Variants in BTNL8 observed in about 807,000 individuals in gnomAD.
BTNL8 encodes the protein butyrophilin-like protein 8.
BTNL8 carries 22 observed loss-of-function variants against 36.1 expected under a neutral mutation model. The observed-to-expected ratio is 0.61, with a 90% confidence interval of 0.44 to 0.87. BTNL8 has a LOEUF of 0.87. BTNL8 is among the 40% of genes least tolerant of loss of function. The probability of loss-of-function intolerance (pLI) is 0.00; values close to 1 mark genes in which losing one functional copy is unlikely to be tolerated. For missense variants in BTNL8, 526 were observed against 616.9 expected (o/e 0.85, Z 1.56); for synonymous variants, 203 against 235.6 (o/e 0.86, Z 1.27).
In BTNL8 at chr5:180,947,528, T is replaced by G. The variant is rs778162308; in HGVS notation, c.690T>G (p.Pro230=). 1.2e-6 allele frequency: 2 copies of G among 1,613,836 alleles called. No homozygotes were observed. The highest frequency in any genetic ancestry group is 1.7e-6 in the Non-Finnish European group (2 of 1,179,682). The change falls in exon 4 of 8, where the codon CCT becomes CCG. Residue 230 remains proline (P), a synonymous_variant. Transcript: ENST00000340184. ...RVQIGDTFFE[P]ISWHLATKVL... is the part of the protein sequence containing the mutation. The stretch of plus-strand genomic sequence containing the variant: ...GTTTTTCAGATACCTTTTTCGAGCC[T>G]ATATCGTGGCACCTGGCTACCAAAG...
intron 1 of BTNL8, among the ~76,000 whole-genome samples, chr5:180,901,020 C>T (rs2113757590): frequency 6.6e-6 from 1 of 152,294 alleles, no homozygotes; most frequent in South Asian, 2.1e-4. Flanking sequence ...TGTCAGCAGG[C>T]AGGGAAATGC....
chr5:180,918,138 CCA>C (rs1320110975), intron 3 of BTNL8, among the ~76,000 whole-genome samples: 1 of 151,624 alleles, frequency 6.6e-6, no homozygotes, highest in East Asian at 1.9e-4. Context: ...TTTTATGAGG[CCA>C]CAGTTACCCT....
intron 3 of BTNL8, among the ~76,000 whole-genome samples, chr5:180,922,373 G>A (rs1757905589): frequency 6.6e-6 from 1 of 151,962 alleles, no homozygotes; most frequent in Admixed American, 6.6e-5. Context: ...TTGTGTCCCA[G>A]AGGTGCTGGT....
In BTNL8 at chr5:180,908,865, G is replaced by C. The variant is rs371673914; in HGVS notation, c.329G>C (p.Gly110Ala). 4 of 1,614,076 alleles carry C rather than the reference G, an allele frequency of 2.5e-6. No individual in the cohort carries two copies. In the African/African-American group the frequency reaches 4.0e-5, roughly 16 times the overall value. Residue 110 changes from glycine (G) to alanine (A), a missense_variant, in exon 2 of 8, where the codon GGC becomes GCC. Gly to Ala is a moderately conservative substitution (Grantham distance 60). This residue lies in a region of BTNL8 where 350 missense variants were observed against 324.6 expected (regional missense o/e 1.08). Transcript: ENST00000340184. ...GAAAACATTACTGTGTTGGATGCTG[G>C]CCTCTATGGGTGCAGGATTAGTTCC... ...RLENITVLDA[G>A]LYGCRISSQS... is the part of the protein sequence containing the mutation.
chr5:180,935,362 G>A lies in BTNL8; in HGVS notation c.674-12150G>A, dbSNP rs1211161022. ...CATGCTGAGTTGGACCTGCAGACCT[G>A]TGCAGAGCTGCCCTCAGCCATCGTC... On this transcript the variant is annotated intron_variant, in intron 3 of 7. Coordinates refer to ENST00000340184, the MANE Select transcript of BTNL8 (RefSeq NM_001040462.3). This position sits in a 1 kb window ranked among gnomAD's most constrained non-coding sequence, Gnocchi z 4.8. Among the ~76,000 whole-genome samples, 1 of 152,208 alleles carries A rather than the reference G, an allele frequency of 6.6e-6. No individual in the cohort carries two copies. Among genetic ancestry groups the A allele is most frequent in the Non-Finnish European group, 1.5e-5 (1 of 68,046 alleles).
chr5:180,908,642 G>C lies in BTNL8; in HGVS notation c.106G>C (p.Ala36Pro), dbSNP rs769402531. The part of the protein sequence containing the change: ...KPVQALVGED[A>P]AFSCFLSPKT... ...TGTCCAGGCCTTGGTGGGGGAGGAC[G>C]CAGCATTCTCCTGTTTCCTGTCTCC... The change falls in exon 2 of 8, where the codon GCA (alanine) becomes CCA (proline). Residue 36 changes from alanine (A) to proline (P), a missense_variant. Transcript: ENST00000340184. 1 of 1,614,072 alleles carries C rather than the reference G, an allele frequency of 6.2e-7. No individual in the cohort carries two copies. Among genetic ancestry groups the C allele is most frequent in the Non-Finnish European group, 8.5e-7 (1 of 1,180,042 alleles).
At chr5:180,937,333 G>A (rs1349087028) in intron 3 of BTNL8, among the ~76,000 whole-genome samples, 3 of 152,190 alleles carry the variant, frequency 2.0e-5, no homozygotes, top group Admixed American at 1.3e-4. Context: ...CTGCAAAGCT[G>A]TGCCATTGCC....
At chr5:180,941,039 C>T (rs532460236) in intron 3 of BTNL8, among the ~76,000 whole-genome samples, 8 of 147,244 alleles carry the variant, frequency 5.4e-5, no homozygotes, top group South Asian at 4.4e-4. Flanking sequence ...TGCAGTGAGC[C>T]GAGATTGAGA....
At chr5:180,921,924 AAATT>A (rs1423731418) in intron 3 of BTNL8, among the ~76,000 whole-genome samples, 1 of 152,074 alleles carries the variant, frequency 6.6e-6, no homozygotes, top group Non-Finnish European at 1.5e-5. Context: ...ACAGAAAAAT[AAATT>A]AACACCTTTA....
intron 3 of BTNL8, among the ~76,000 whole-genome samples, chr5:180,946,411 T>A (rs1759250285): frequency 6.6e-6 from 1 of 152,288 alleles, no homozygotes; most frequent in East Asian, 1.9e-4. Flanking sequence ...ATAAATACAA[T>A]GGAATACAAT....
At chr5:180,929,339 T>G (rs1336424148) in intron 3 of BTNL8, among the ~76,000 whole-genome samples, 2 of 152,178 alleles carry the variant, frequency 1.3e-5, no homozygotes, top group Non-Finnish European at 2.9e-5. Flanking sequence ...TTTATAGCAC[T>G]ACATGCCCAC....
intron 3 of BTNL8, among the ~76,000 whole-genome samples, chr5:180,912,461 C>T (rs1447061243): frequency 1.3e-5 from 2 of 151,866 alleles, no homozygotes; most frequent in Non-Finnish European, 2.9e-5. Flanking sequence ...GTGTATACAT[C>T]CTAGTGGTTC....
intron 3 of BTNL8, chr5:180,945,947 A>G (rs959526977): frequency 3.7e-5 from 7 of 191,342 alleles, no homozygotes; most frequent in African/African-American, 1.6e-4. Flanking sequence ...CATCTACGCA[A>G]TGAAAAACCA....
chr5:180,941,027 G>T (rs1758908714), intron 3 of BTNL8, among the ~76,000 whole-genome samples: 1 of 151,534 alleles, frequency 6.6e-6, no homozygotes, highest in Non-Finnish European at 1.5e-5. Flanking sequence ...GGAGGCAGAG[G>T]CTGCAGTGAG....
At chr5:180,921,693 AC>A (rs1757870021) in intron 3 of BTNL8, among the ~76,000 whole-genome samples, 1 of 151,236 alleles carries the variant, frequency 6.6e-6, no homozygotes, top group Admixed American at 6.6e-5. Flanking sequence ...ACACACACAC[AC>A]AGACACACAC....
intron 3 of BTNL8, among the ~76,000 whole-genome samples, chr5:180,940,285 G>A (rs891092470): frequency 2.0e-5 from 3 of 151,590 alleles, no homozygotes; most frequent in African/African-American, 7.3e-5. Context: ...GTTGCAGTGA[G>A]CTGAGATCAT....
intron 3 of BTNL8, among the ~76,000 whole-genome samples, chr5:180,919,633 T>A (rs545926462): frequency 6.6e-6 from 1 of 152,316 alleles, no homozygotes; most frequent in Non-Finnish European, 1.5e-5. Flanking sequence ...GGAGATGACA[T>A]GACACGTAGT....
intron 3 of BTNL8, among the ~76,000 whole-genome samples, chr5:180,943,062 A>G (rs897335407): frequency 4.6e-5 from 7 of 151,864 alleles, no homozygotes; most frequent in Non-Finnish European, 7.4e-5. Flanking sequence ...CATATCCAGG[A>G]TATAAGGAAC....
intron 3 of BTNL8, among the ~76,000 whole-genome samples, chr5:180,920,325 C>T (rs1329663692): frequency 6.6e-6 from 1 of 152,024 alleles, no homozygotes; most frequent in Non-Finnish European, 1.5e-5. Flanking sequence ...AGTAAGATTA[C>T]CAAGAATACA....
Sources: gnomAD v4.1 joint callset for allele counts (sites outside exome capture counted in the v4.1 genomes callset) on GRCh38, gnomAD v4.1.1 for gene constraint, gnomAD v4.1.1 regional missense constraint, Gnocchi (gnomAD v3.1) non-coding constraint, MANE v1.5 for transcripts, NCBI Gene and HGNC (gene_info 2026-07-23, HGNC 2026-07-21) for gene names.